The following EML6 variants were observed in gnomAD, a reference collection of about 807,000 sequenced individuals.
EML6 encodes echinoderm microtubule-associated protein-like 6.
EML6 carries 154 observed loss-of-function variants against 240.1 expected under a neutral mutation model. That is an observed-to-expected ratio of 0.64 (90% CI 0.56 to 0.73). EML6 has a LOEUF of 0.73. Among genes scored for constraint, EML6 ranks in the 30% least tolerant of loss-of-function variants. The probability of loss-of-function intolerance (pLI) is 0.00; values close to 1 mark genes in which losing one functional copy is unlikely to be tolerated. For synonymous variants in EML6, 1,148 were observed against 899.0 expected, an observed-to-expected ratio of 1.28 and a Z score of -4.95; for missense variants, 2,964 against 2,474.6, an observed-to-expected ratio of 1.20 and a Z score of -4.20.
Position 54,847,610 on chromosome 2 carries a change from G to C in EML6, c.1174G>C (p.Val392Leu). The C allele has an allele frequency of 6.4e-7, 1 of 1,552,306 alleles. No individual in the cohort carries two copies. The highest frequency in any genetic ancestry group is 1.7e-4 in the Middle Eastern group (1 of 5,986). ...ALGMKDGSFI[V>L]LRVRDMTEVV... ...GGGCATGAAGGACGGCTCTTTCATTGTTCTCCGAGTCAGGCACGTACTGAT... is the reference window on the plus strand; with the variant it reads ...GGGCATGAAGGACGGCTCTTTCATTCTTCTCCGAGTCAGGCACGTACTGAT... Residue 392 changes from valine (V) to leucine (L), a missense_variant, in exon 9 of 42, where the codon GTT becomes CTT. Physicochemically the swap from Val to Leu is conservative, Grantham distance 32 (BLOSUM62 1). Transcript: ENST00000356458.
intron 2 of EML6, among the ~76,000 whole-genome samples, chr2:54,767,262 T>A (rs7584036): frequency 0.33 from 50,475 of 151,900 alleles, 9,979 homozygotes; most frequent in African/African-American, 0.54. Context: ...ACAAGCCCTA[T>A]TCAATGAAGA....
chr2:54,902,335 T>TG (rs1199264328), intron 22 of EML6, among the ~76,000 whole-genome samples: 1 of 152,188 alleles, frequency 6.6e-6, no homozygotes, highest in Non-Finnish European at 1.5e-5. Flanking sequence ...TGAATAAACC[T>TG]CATGGAAGTT....
At chr2:54,816,913 A>G (rs1215402591) in intron 4 of EML6, 28 bp downstream of exon 4, 2 of 1,454,892 alleles carry the variant, frequency 1.4e-6, no homozygotes, top group Non-Finnish European at 1.9e-6. Context: ...CAAGCTATGC[A>G]GATTTCAGAA....
chr2:54,932,244 A>T (rs1674901166), intron 28 of EML6, among the ~76,000 whole-genome samples: 1 of 152,140 alleles, frequency 6.6e-6, no homozygotes, highest in Non-Finnish European at 1.5e-5. Context: ...CCTCTAACAC[A>T]CTGGGATACC....
At chr2:54,930,382 G>A (rs891740356) in intron 28 of EML6, among the ~76,000 whole-genome samples, 2 of 152,122 alleles carry the variant, frequency 1.3e-5, no homozygotes, top group Non-Finnish European at 2.9e-5. Context: ...CTTAATGAAA[G>A]GTAGGAGGAC....
intron 5 of EML6, among the ~76,000 whole-genome samples, chr2:54,821,846 A>G (rs1314985318): frequency 2.0e-5 from 3 of 152,092 alleles, no homozygotes; most frequent in African/African-American, 7.2e-5. Flanking sequence ...AGTTTCAAAA[A>G]CTATAAAATA....
intron 2 of EML6, among the ~76,000 whole-genome samples, chr2:54,796,631 C>G (rs140405076): frequency 4.8e-4 from 73 of 152,108 alleles, no homozygotes; most frequent in African/African-American, 1.6e-3. Flanking sequence ...AGCGCACACA[C>G]ACACTTAAGT....
intron 24 of EML6, among the ~76,000 whole-genome samples, chr2:54,906,517 G>A (rs1673336675): frequency 1.3e-5 from 2 of 152,158 alleles, no homozygotes; most frequent in African/African-American, 4.8e-5. Flanking sequence ...TCAGGATGCT[G>A]AGGGAGGCTC....
chr2:54,800,497 T>TC (rs775669308), intron 2 of EML6, among the ~76,000 whole-genome samples: 17 of 152,162 alleles, frequency 1.1e-4, no homozygotes, highest in Non-Finnish European at 1.9e-4. Context: ...CCTAAAATAA[T>TC]CGGTCTTCAG....
intron 28 of EML6, among the ~76,000 whole-genome samples, chr2:54,934,034 C>G (rs1675002593): frequency 6.6e-6 from 1 of 152,160 alleles, no homozygotes; most frequent in Admixed American, 6.5e-5. Context: ...GCAGTGATCA[C>G]TGGTCCATAG....
intron 5 of EML6, among the ~76,000 whole-genome samples, chr2:54,822,418 C>A (rs928465349): frequency 6.6e-6 from 1 of 152,106 alleles, no homozygotes; most frequent in African/African-American, 2.4e-5. Context: ...GAAGTATGAA[C>A]CAAGAGCTGA....
At chr2:54,806,454 A>C (rs1362082255) in intron 2 of EML6, among the ~76,000 whole-genome samples, 1 of 151,854 alleles carries the variant, frequency 6.6e-6, no homozygotes, top group Non-Finnish European at 1.5e-5. Context: ...CTCTACTAAA[A>C]ATATAGAAAA....
chr2:54,814,968 G>A (rs1034821878), intron 3 of EML6, among the ~76,000 whole-genome samples: 1 of 152,180 alleles, frequency 6.6e-6, no homozygotes. Context: ...TTGACTTCCT[G>A]AATAAACTGA....
intron 28 of EML6, among the ~76,000 whole-genome samples, chr2:54,930,693 C>G (rs1674808089): frequency 6.6e-6 from 1 of 152,034 alleles, no homozygotes. Flanking sequence ...GAGCAGCTTC[C>G]TAGGTAACTT....
At chr2:54,923,409 G>T (rs953069578) in intron 26 of EML6, among the ~76,000 whole-genome samples, 7 of 95,858 alleles carry the variant, frequency 7.3e-5, no homozygotes, top group African/African-American at 1.5e-4. Flanking sequence ...ACACACAATG[G>T]TAACTATGTC....
chr2:54,948,075 G>A (rs1675776446), intron 28 of EML6, among the ~76,000 whole-genome samples: 1 of 152,050 alleles, frequency 6.6e-6, no homozygotes, highest in Non-Finnish European at 1.5e-5. Flanking sequence ...CATGCGGTGG[G>A]AGCTGGTACA....
intron 2 of EML6, among the ~76,000 whole-genome samples, chr2:54,804,051 A>C (rs1415959920): frequency 6.6e-6 from 1 of 152,240 alleles, no homozygotes; most frequent in Non-Finnish European, 1.5e-5. Context: ...AAATCCCTTG[A>C]TAGTATAAAC....
chr2:54,775,596 T>C (rs1200898258), intron 2 of EML6, among the ~76,000 whole-genome samples: 1 of 152,202 alleles, frequency 6.6e-6, no homozygotes, highest in Non-Finnish European at 1.5e-5. Context: ...AACCTAAAAC[T>C]GTGTATTTAA....
At chr2:54,850,427 C>T (rs1670012973) in intron 10 of EML6, 4 of 538,588 alleles carry the variant, frequency 7.4e-6, no homozygotes, top group African/African-American at 3.8e-5. Context: ...TGAGTTGGAA[C>T]ATGTTAAACT....
Sources: allele counts gnomAD v4.1 joint callset (sites outside exome capture counted in the v4.1 genomes callset), GRCh38; gene constraint gnomAD v4.1.1; transcripts MANE v1.5; gene names NCBI Gene and HGNC (gene_info 2026-07-23, HGNC 2026-07-21).